TAS2R1: variants seen among roughly 807,000 people sequenced by gnomAD.
TAS2R1 encodes taste 2 receptor member 1.
For missense variants in TAS2R1, 370 were observed against 353.4 expected, an observed-to-expected ratio of 1.05 and a Z score of -0.38; for synonymous variants, 141 against 134.2, an observed-to-expected ratio of 1.05 and a Z score of -0.35.
the TAS2R1 span, among the ~76,000 whole-genome samples, chr5:9,796,747 A>G: frequency 1.3e-5 from 2 of 149,876 alleles, no homozygotes; most frequent in African/African-American, 2.5e-5. Flanking sequence ...AAAGAAAAGA[A>G]AAAAAAAAAG....
At chr5:9,688,981 A>G (rs1205786750) in intron 1 of TAS2R1, among the ~76,000 whole-genome samples, 2 of 152,066 alleles carry the variant, frequency 1.3e-5, no homozygotes, top group African/African-American at 4.8e-5. Context: ...CTAGGCAGAG[A>G]CGGCCCCGAC....
chr5:9,706,028 C>A (rs115135087), intron 1 of TAS2R1, among the ~76,000 whole-genome samples: 1 of 152,140 alleles, frequency 6.6e-6, no homozygotes, highest in Admixed American at 6.5e-5. Flanking sequence ...AGCTAGAAGT[C>A]CCTTTGGCCC....
chr5:9,709,751 C>G (rs1328758940), intron 1 of TAS2R1, among the ~76,000 whole-genome samples: 1 of 152,218 alleles, frequency 6.6e-6, no homozygotes, highest in Non-Finnish European at 1.5e-5. Context: ...AAGTCAAGCC[C>G]TCAGCTAACA....
At chr5:9,646,288 T>C (rs752650539) in intron 2 of TAS2R1, among the ~76,000 whole-genome samples, 4 of 152,218 alleles carry the variant, frequency 2.6e-5, no homozygotes, top group Non-Finnish European at 2.9e-5. Context: ...TTTATTGTGC[T>C]ATAGAAGAGT....
the TAS2R1 span, among the ~76,000 whole-genome samples, chr5:9,824,051 C>T: frequency 6.6e-6 from 1 of 152,168 alleles, no homozygotes; most frequent in Admixed American, 6.5e-5. Flanking sequence ...GGCAAAGGAA[C>T]TGCCCACCCA....
chr5:9,848,305 G>C, the TAS2R1 span, among the ~76,000 whole-genome samples: 1 of 152,216 alleles, frequency 6.6e-6, no homozygotes, highest in East Asian at 1.9e-4. Context: ...TATTGGAAGA[G>C]AACTTGAAGG....
the TAS2R1 span, among the ~76,000 whole-genome samples, chr5:9,792,389 T>G: frequency 6.6e-6 from 1 of 152,206 alleles, no homozygotes; most frequent in Admixed American, 6.5e-5. Context: ...CCTATAGATA[T>G]AAACCTGGGA....
intron 2 of TAS2R1, among the ~76,000 whole-genome samples, chr5:9,640,708 A>G (rs2126480764): frequency 6.6e-6 from 1 of 152,266 alleles, no homozygotes; most frequent in Non-Finnish European, 1.5e-5. Context: ...TGCAACACTC[A>G]GCTCTGAGAA....
At chr5:9,841,794 C>T in the TAS2R1 span, among the ~76,000 whole-genome samples, 1 of 152,148 alleles carries the variant, frequency 6.6e-6, no homozygotes, top group Non-Finnish European at 1.5e-5. Context: ...AGAGAGCAAG[C>T]TTTCTTAGTG....
intron 1 of TAS2R1, among the ~76,000 whole-genome samples, chr5:9,699,445 CTATTT>C (rs561944122): frequency 9.4e-4 from 143 of 152,290 alleles, no homozygotes; most frequent in African/African-American, 3.3e-3. Flanking sequence ...TGATACACTT[CTATTT>C]TATTACTTGT....
chr5:9,760,054 C>T, the TAS2R1 span, among the ~76,000 whole-genome samples: 3 of 152,110 alleles, frequency 2.0e-5, no homozygotes, highest in Non-Finnish European at 4.4e-5. Flanking sequence ...TAGTAAAAGG[C>T]TAATTAAAAA....
chr5:9,766,309 C>T, the TAS2R1 span, among the ~76,000 whole-genome samples: 1 of 152,216 alleles, frequency 6.6e-6, no homozygotes, highest in African/African-American at 2.4e-5. Context: ...AAATCAGTTT[C>T]TATGTGAAGC....
chr5:9,872,819 G>A, the TAS2R1 span, among the ~76,000 whole-genome samples: 1 of 152,126 alleles, frequency 6.6e-6, no homozygotes, highest in Non-Finnish European at 1.5e-5. Flanking sequence ...TACTCTGTCA[G>A]GTATAACTAC....
upstream of TAS2R1, among the ~76,000 whole-genome samples, chr5:9,633,283 G>A (rs1236080989): frequency 4.1e-5 from 4 of 98,242 alleles, no homozygotes; most frequent in South Asian, 3.1e-4. Context: ...GTGTGTGTGT[G>A]TGTGTGTATA....
At chr5:9,706,823 T>C (rs1014987941) in intron 1 of TAS2R1, among the ~76,000 whole-genome samples, 4 of 152,180 alleles carry the variant, frequency 2.6e-5, no homozygotes, top group African/African-American at 7.2e-5. Context: ...TGGCAAGGCC[T>C]GTCTTAAGCA....
At chr5:9,760,228 C>T in the TAS2R1 span, among the ~76,000 whole-genome samples, 1 of 152,128 alleles carries the variant, frequency 6.6e-6, no homozygotes, top group Non-Finnish European at 1.5e-5. Flanking sequence ...CAGAAAGGAC[C>T]TGGCTCAGCT....
At chr5:9,788,227 C>T in the TAS2R1 span, among the ~76,000 whole-genome samples, 7 of 152,290 alleles carry the variant, frequency 4.6e-5, no homozygotes, top group South Asian at 1.2e-3. Context: ...GGCTTAAATT[C>T]GAGTTCTCTG....
chr5:9,866,997 G>A, the TAS2R1 span: 4 of 152,148 alleles, frequency 2.6e-5, no homozygotes, highest in Non-Finnish European at 4.4e-5. Flanking sequence ...AAACAGAAAG[G>A]GGCAAAAGAT....
intron 2 of TAS2R1, among the ~76,000 whole-genome samples, chr5:9,638,203 G>A (rs1040732610): frequency 2.0e-5 from 3 of 152,132 alleles, no homozygotes; most frequent in Admixed American, 6.5e-5. Flanking sequence ...GCTCTTCTGG[G>A]TTTAGCCACC....
Sources: allele counts gnomAD v4.1 joint callset (sites outside exome capture counted in the v4.1 genomes callset), GRCh38; gene constraint gnomAD v4.1.1; transcripts MANE v1.5; gene names NCBI Gene and HGNC (gene_info 2026-07-23, HGNC 2026-07-21).